Variants in LRBA observed in about 807,000 individuals in gnomAD.
The protein encoded by LRBA is LPS responsive beige-like anchor protein, also known as lipopolysaccharide-responsive and beige-like anchor protein.
A neutral mutation model predicts 330.0 loss-of-function variants in LRBA; 176 were observed. The ratio of observed to expected loss-of-function variants is 0.53; its 90% CI spans 0.47 to 0.60. The LOEUF is 0.60. LRBA is among the 20% of genes least tolerant of loss of function. The pLI is 0.00. For missense variants in LRBA, 3,259 were observed against 3,444.8 expected (o/e 0.95, Z 1.35); for synonymous variants, 1,230 against 1,193.0 (o/e 1.03, Z -0.64).
chr4:150,426,815 A>G (rs549629273), intron 46 of LRBA, among the ~76,000 whole-genome samples: 1 of 151,788 alleles, frequency 6.6e-6, no homozygotes, highest in African/African-American at 2.4e-5. Flanking sequence ...AAACAAATAT[A>G]TTATTTTTTT....
intron 46 of LRBA, among the ~76,000 whole-genome samples, chr4:150,430,141 A>C (rs1405070012): frequency 1.3e-5 from 2 of 152,124 alleles, no homozygotes; most frequent in Non-Finnish European, 2.9e-5. Context: ...CCAAATCTTA[A>C]CAGTTACCTT....
At chr4:150,523,091 A>T (rs1160925389) in intron 40 of LRBA, among the ~76,000 whole-genome samples, 1 of 152,230 alleles carries the variant, frequency 6.6e-6, no homozygotes, top group African/African-American at 2.4e-5. Flanking sequence ...TCTGACTTGG[A>T]TGGCATCTAC....
At chr4:150,800,947 T>TG (rs1050182913) in intron 33 of LRBA, among the ~76,000 whole-genome samples, 3 of 152,162 alleles carry the variant, frequency 2.0e-5, no homozygotes, top group Non-Finnish European at 4.4e-5. Flanking sequence ...CTCACCCAGA[T>TG]ATATCACTTC....
intron 27 of LRBA, 81 bp downstream of exon 27, chr4:150,844,577 T>G: frequency 7.8e-7 from 1 of 1,287,334 alleles, no homozygotes; most frequent in Non-Finnish European, 1.1e-6. Context: ...TTATTTAACT[T>G]TATGTTGAAA....
intron 40 of LRBA, among the ~76,000 whole-genome samples, chr4:150,571,733 T>C (rs970059854): frequency 3.5e-5 from 5 of 143,362 alleles, no homozygotes; most frequent in Non-Finnish European, 7.6e-5. Context: ...AGCAGGGTAC[T>C]CTACAGCTAG....
intron 2 of LRBA, among the ~76,000 whole-genome samples, chr4:150,959,190 G>A (rs1737869084): frequency 1.3e-5 from 2 of 149,380 alleles, no homozygotes; most frequent in South Asian, 4.2e-4. Context: ...GAGGAGCAAA[G>A]ACACATCTTA....
chr4:150,780,705 A>C (rs1339825390), intron 34 of LRBA, among the ~76,000 whole-genome samples: 1 of 76,890 alleles, frequency 1.3e-5, no homozygotes, highest in African/African-American at 4.4e-5. Flanking sequence ...TATAATACAA[A>C]GTCCTAATAC....
chr4:150,640,644 C>A (rs1778587881), intron 37 of LRBA, among the ~76,000 whole-genome samples: 1 of 152,112 alleles, frequency 6.6e-6, no homozygotes, highest in Non-Finnish European at 1.5e-5. Flanking sequence ...AATATATCTC[C>A]TGCTCACCAT....
At chr4:150,886,623 G>T (rs1490526304) in intron 17 of LRBA, among the ~76,000 whole-genome samples, 1 of 152,154 alleles carries the variant, frequency 6.6e-6, no homozygotes, top group Non-Finnish European at 1.5e-5. Context: ...TAGGGTAAGA[G>T]AGGTTTGAAA....
intron 42 of LRBA, 129 bp from the exon 43 acceptor site, chr4:150,471,868 C>G (rs1756171805): frequency 5.0e-6 from 3 of 601,492 alleles, no homozygotes; most frequent in Admixed American, 3.3e-5. Context: ...CTAATGAATA[C>G]TAGAGAGGTT....
At chr4:150,735,205 G>T in intron 36 of LRBA, 53 bp downstream of exon 36, 1 of 1,272,464 alleles carries the variant, frequency 7.9e-7, no homozygotes, top group South Asian at 1.2e-5. Flanking sequence ...AATTTCTCAT[G>T]ATTATCATTA....
intron 47 of LRBA, among the ~76,000 whole-genome samples, chr4:150,403,858 C>T (rs1404513334): frequency 6.6e-6 from 1 of 151,976 alleles, no homozygotes; most frequent in African/African-American, 2.4e-5. Flanking sequence ...TGGTGAAACC[C>T]GGTCTCTACT....
At chr4:150,875,836 G>A (rs1753966609) in intron 17 of LRBA, among the ~76,000 whole-genome samples, 1 of 152,178 alleles carries the variant, frequency 6.6e-6, no homozygotes, top group Admixed American at 6.5e-5. Context: ...ATCTGAGTGT[G>A]GTGACACCAT....
chr4:150,863,445 T>G (rs560557962), intron 22 of LRBA, among the ~76,000 whole-genome samples: 11 of 152,176 alleles, frequency 7.2e-5, no homozygotes, highest in Non-Finnish European at 1.5e-4. Context: ...GCAGATCACC[T>G]GAGGTCAGGA....
intron 36 of LRBA, among the ~76,000 whole-genome samples, chr4:150,715,678 A>G (rs1437471547): frequency 6.6e-6 from 1 of 152,228 alleles, no homozygotes; most frequent in Non-Finnish European, 1.5e-5. Context: ...AGACTACATC[A>G]TAAGCATTTT....
At chr4:150,683,873 C>A in intron 36 of LRBA, 156 bp from the exon 37 acceptor site, 1 of 569,386 alleles carries the variant, frequency 1.8e-6, no homozygotes. Flanking sequence ...TCTGCTGTCT[C>A]AATAAAACAT....
At chr4:150,872,304 G>A (rs1753532706) in intron 18 of LRBA, among the ~76,000 whole-genome samples, 1 of 152,118 alleles carries the variant, frequency 6.6e-6, no homozygotes, top group Admixed American at 6.6e-5. Flanking sequence ...TACGCATACA[G>A]CAGAACACAC....
intron 35 of LRBA, among the ~76,000 whole-genome samples, chr4:150,741,831 T>C (rs1732020667): frequency 6.6e-6 from 1 of 152,108 alleles, no homozygotes; most frequent in Non-Finnish European, 1.5e-5. Context: ...AACTATGGTA[T>C]TAGAAGTTAA....
At chr4:150,853,771 T>C (rs1750906307) in intron 22 of LRBA, among the ~76,000 whole-genome samples, 1 of 152,180 alleles carries the variant, frequency 6.6e-6, no homozygotes, top group Non-Finnish European at 1.5e-5. Flanking sequence ...TCATATGATT[T>C]CCATTGGTGT....
Sources: allele counts gnomAD v4.1 joint callset (sites outside exome capture counted in the v4.1 genomes callset), GRCh38; gene constraint gnomAD v4.1.1; transcripts MANE v1.5; gene names NCBI Gene and HGNC (gene_info 2026-07-23, HGNC 2026-07-21).